Variants in RANBP17 observed in about 807,000 individuals in gnomAD.
The protein encoded by RANBP17 is ran-binding protein 17.
A neutral mutation model predicts 141.2 loss-of-function variants in RANBP17; 158 were observed. The ratio of observed to expected loss-of-function variants is 1.12; its 90% CI spans 0.98 to 1.28. The LOEUF is 1.28. Among genes scored for constraint, RANBP17 ranks in the 50% most tolerant of loss-of-function variants. RANBP17 has a pLI of 0.00. For synonymous variants in RANBP17, 430 were observed against 450.0 expected (o/e 0.96, Z 0.56); for missense variants, 1,438 against 1,290.7 (o/e 1.11, Z -1.75).
In RANBP17 at chr5:171,295,891, T is replaced by C. The variant is rs141152336; in HGVS notation, c.3047T>C (p.Phe1016Ser). The change falls in exon 27 of 28, where the codon TTC (phenylalanine) becomes TCC (serine). Residue 1016 changes from phenylalanine (F) to serine (S), a missense_variant. Transcript: ENST00000523189. The stretch of plus-strand genomic sequence containing the variant: ...CACTATTCTGTCTCCCATCAGTATT[T>C]CAGTGAACTGAGAGCAAGTTTGATA... ...LGLILLNEKY[F>S]SELRASLINS... The C allele has an allele frequency of 6.2e-7, 1 of 1,612,962 alleles. No individual in the cohort carries two copies. The highest frequency in any genetic ancestry group is 1.3e-5 in the African/African-American group (1 of 74,832).
At chr5:170,969,396 CAGTA>C (rs1776823869) in intron 14 of RANBP17, among the ~76,000 whole-genome samples, 1 of 151,848 alleles carries the variant, frequency 6.6e-6, no homozygotes. Flanking sequence ...TTTAGGTTGT[CAGTA>C]AGACAACTTA....
intron 25 of RANBP17, chr5:171,284,429 A>G (rs888781423): frequency 6.6e-6 from 1 of 152,100 alleles, no homozygotes; most frequent in South Asian, 2.1e-4. Context: ...GGGTCAAGCA[A>G]TCCTCCCACC....
chr5:170,922,632 A>G (rs2167414), intron 11 of RANBP17, among the ~76,000 whole-genome samples: 102,136 of 152,066 alleles, frequency 0.67, 34,540 homozygotes, highest in South Asian at 0.9. Flanking sequence ...AGCCAGGCAC[A>G]GGAGGGTATC....
At chr5:171,255,709 A>C (rs1256630425) in intron 24 of RANBP17, among the ~76,000 whole-genome samples, 1 of 152,186 alleles carries the variant, frequency 6.6e-6, no homozygotes, top group Non-Finnish European at 1.5e-5. Flanking sequence ...CAGGTATAGT[A>C]AGTAAGAAGT....
chr5:171,145,771 A>G (rs1203391924), intron 14 of RANBP17, among the ~76,000 whole-genome samples: 2 of 152,152 alleles, frequency 1.3e-5, no homozygotes, highest in Non-Finnish European at 2.9e-5. Flanking sequence ...TGGGATCCAT[A>G]TTTCATTCCC....
At chr5:170,975,293 C>T (rs990607275) in intron 14 of RANBP17, among the ~76,000 whole-genome samples, 3 of 152,162 alleles carry the variant, frequency 2.0e-5, no homozygotes, top group African/African-American at 7.2e-5. Flanking sequence ...CTTTGGGAGG[C>T]CGAGGTGGGT....
At chr5:170,937,597 C>T (rs747390185) in intron 12 of RANBP17, among the ~76,000 whole-genome samples, 41 of 152,186 alleles carry the variant, frequency 2.7e-4, no homozygotes, top group Non-Finnish European at 5.3e-4. Context: ...GCCATTGCAA[C>T]AACATGCTAG....
intron 5 of RANBP17, among the ~76,000 whole-genome samples, chr5:170,905,757 A>G (rs1220146497): frequency 1.3e-5 from 2 of 152,138 alleles, no homozygotes; most frequent in Non-Finnish European, 2.9e-5. Flanking sequence ...AGAGAATAGT[A>G]TGATAACCTC....
At position 170,881,872 on chromosome 5, in the gene RANBP17, C is replaced by T; in HGVS notation, c.232C>T (p.Pro78Ser). Reference sequence around the variant, plus strand: ...ACTTGTCAGCCGAGTCAGTCCTTTACCTGTTGAGCAGAGGATGGACATCAG... The same window carrying T: ...ACTTGTCAGCCGAGTCAGTCCTTTATCTGTTGAGCAGAGGATGGACATCAG... ...SKLVSRVSPL[P>S]VEQRMDIRNY... Residue 78 changes from proline to serine, a missense_variant, in exon 3 of 28, where the codon CCT (proline) becomes TCT (serine). Transcript: ENST00000523189. 1 of 1,608,796 alleles carries T rather than the reference C, an allele frequency of 6.2e-7. No homozygotes were observed. Among genetic ancestry groups the T allele is most frequent in the Non-Finnish European group, 8.5e-7 (1 of 1,177,138 alleles).
At chr5:171,079,811 C>T (rs1250535743) in intron 14 of RANBP17, among the ~76,000 whole-genome samples, 1 of 152,114 alleles carries the variant, frequency 6.6e-6, no homozygotes, top group Non-Finnish European at 1.5e-5. Flanking sequence ...TTTGCAGACA[C>T]AAGTATTTGT....
chr5:171,116,474 A>T (rs1218699053), intron 14 of RANBP17, among the ~76,000 whole-genome samples: 1 of 152,212 alleles, frequency 6.6e-6, no homozygotes, highest in Non-Finnish European at 1.5e-5. Flanking sequence ...AGTCCTGAGC[A>T]CTGTCTTACT....
chr5:170,897,391 T>G, intron 5 of RANBP17: 3 of 432,168 alleles, frequency 6.9e-6, no homozygotes, highest in Non-Finnish European at 4.4e-6. Flanking sequence ...ATTGCGCGTA[T>G]GTGTACGTAC....
At chr5:171,121,134 G>T (rs1277773228) in intron 14 of RANBP17, among the ~76,000 whole-genome samples, 1 of 152,224 alleles carries the variant, frequency 6.6e-6, no homozygotes, top group Non-Finnish European at 1.5e-5. Context: ...TGCCACAGTG[G>T]GTCTGCCAAC....
At chr5:171,061,209 G>A (rs1293863262) in intron 14 of RANBP17, among the ~76,000 whole-genome samples, 2 of 150,710 alleles carry the variant, frequency 1.3e-5, no homozygotes, top group African/African-American at 4.8e-5. Flanking sequence ...GCTAGCTTTT[G>A]AATGTGTTTG....
intron 14 of RANBP17, among the ~76,000 whole-genome samples, chr5:171,119,973 G>A (rs925572615): frequency 2.7e-5 from 4 of 148,406 alleles, no homozygotes; most frequent in Non-Finnish European, 5.9e-5. Flanking sequence ...GGAGGTGGAG[G>A]TTGCGGTGAG....
chr5:171,035,739 T>G (rs1385581995), intron 14 of RANBP17, among the ~76,000 whole-genome samples: 1 of 103,264 alleles, frequency 9.7e-6, no homozygotes, highest in East Asian at 2.4e-4. Context: ...CTTTTTTTGT[T>G]TTTTTTTTTT....
intron 14 of RANBP17, among the ~76,000 whole-genome samples, chr5:171,103,100 G>A (rs185413870): frequency 6.6e-6 from 1 of 152,328 alleles, no homozygotes; most frequent in East Asian, 1.9e-4. Context: ...TGAGGAGACA[G>A]TCTGTCCCTT....
At chr5:171,071,527 T>C (rs939594382) in intron 14 of RANBP17, among the ~76,000 whole-genome samples, 2 of 151,552 alleles carry the variant, frequency 1.3e-5, no homozygotes, top group Admixed American at 6.6e-5. Flanking sequence ...TGAGACAGAA[T>C]AGAGAGCTCA....
chr5:171,089,518 C>G lies in RANBP17; in HGVS notation c.1711-80612C>G, dbSNP rs952380091. ...CGAGCTTCCCGGCTGCTTTGTTTAC[C>G]TAAGCAAGCCTGGGCAATGGCGGGC... On this transcript the variant is annotated intron_variant, in intron 14 of 27. Transcript: ENST00000523189. 1.1e-4 allele frequency among the ~76,000 whole-genome samples: 17 copies of G among 151,930 alleles called. No individual in the cohort carries two copies. The East Asian group carries it at 2.9e-3, about 26-fold the overall frequency.
Sources: allele counts gnomAD v4.1 joint callset (sites outside exome capture counted in the v4.1 genomes callset), GRCh38; gene constraint gnomAD v4.1.1; transcripts MANE v1.5; gene names NCBI Gene and HGNC (gene_info 2026-07-23, HGNC 2026-07-21).